Variants in DNAJC13 observed in about 807,000 individuals in gnomAD.
The protein encoded by DNAJC13 is DnaJ heat shock protein family (Hsp40) member C13.
A neutral mutation model predicts 290.5 loss-of-function variants in DNAJC13; 75 were observed. That is an observed-to-expected ratio of 0.26 (90% CI 0.21 to 0.31). The LOEUF is 0.31. Among genes scored for constraint, DNAJC13 ranks in the 10% least tolerant of loss-of-function variants. The pLI, the probability that DNAJC13 is intolerant of heterozygous loss-of-function variation, is 1.00. For synonymous variants in DNAJC13, 862 were observed against 892.0 expected, an observed-to-expected ratio of 0.97 and a Z score of 0.60; for missense variants, 2,260 against 2,674.5, an observed-to-expected ratio of 0.85 and a Z score of 3.42.
intron 1 of DNAJC13, among the ~76,000 whole-genome samples, chr3:132,430,419 C>G (rs16839243): frequency 0.024 from 3,667 of 152,066 alleles, 161 homozygotes; most frequent in African/African-American, 0.083. Context: ...TTTATTCCTT[C>G]TGGGTCATGC....
chr3:132,500,435 C>T (rs1298626756), intron 38 of DNAJC13, among the ~76,000 whole-genome samples: 1 of 152,104 alleles, frequency 6.6e-6, no homozygotes, highest in African/African-American at 2.4e-5. Context: ...AATAAAGGTC[C>T]AGGGAGTAAA....
In DNAJC13 at chr3:132,462,542, A is replaced by G; in HGVS notation, c.1770+19A>G. The G allele has an allele frequency of 6.3e-7, 1 of 1,579,812 alleles. No homozygotes were observed. Among genetic ancestry groups the G allele is most frequent in the East Asian group, 2.3e-5 (1 of 43,822 alleles). ...AATAGAGGTGAGAGAACAATTTTGA[A>G]ATTTTAACCTTACTTGAATGTTGAT... On this transcript the variant is annotated intron_variant, in intron 16 of 55. Coordinates refer to ENST00000260818, the MANE Select transcript of DNAJC13 (RefSeq NM_015268.4).
intron 1 of DNAJC13, among the ~76,000 whole-genome samples, chr3:132,424,400 G>A (rs896604916): frequency 6.6e-6 from 1 of 151,960 alleles, no homozygotes; most frequent in Non-Finnish European, 1.5e-5. Context: ...GAATAGAAGA[G>A]GTCAAAAAAA....
At chr3:132,477,947 A>G in intron 23 of DNAJC13, 34 bp from the exon 24 acceptor site, 1 of 1,599,848 alleles carries the variant, frequency 6.3e-7, no homozygotes, top group Non-Finnish European at 8.5e-7. Context: ...TTTCATGGCT[A>G]TTTCTATTGT....
intron 2 of DNAJC13, among the ~76,000 whole-genome samples, chr3:132,435,209 G>A (rs1366581120): frequency 1.3e-5 from 2 of 152,156 alleles, no homozygotes; most frequent in Admixed American, 1.3e-4. Context: ...TAAATGAAGT[G>A]ATATGGCATG....
chr3:132,525,156 G>A (rs1158631202), intron 51 of DNAJC13, among the ~76,000 whole-genome samples: 1 of 152,108 alleles, frequency 6.6e-6, no homozygotes, highest in Non-Finnish European at 1.5e-5. Flanking sequence ...GCCTCAACAT[G>A]GAGAAACCCC....
intron 20 of DNAJC13, among the ~76,000 whole-genome samples, chr3:132,470,990 C>T (rs1233085378): frequency 1.6e-4 from 20 of 128,878 alleles, no homozygotes; most frequent in African/African-American, 2.6e-4. Context: ...CCTCACCTCC[C>T]GGACGGGGCG....
In DNAJC13 at chr3:132,529,554, G is replaced by A. The variant is rs1193506382; in HGVS notation, c.6525+1222G>A. Among the ~76,000 whole-genome samples the A allele has an allele frequency of 5.9e-5, 9 of 152,136 alleles. No homozygotes were observed. The South Asian group carries it at 1.5e-3, about 25-fold the overall frequency. On this transcript the variant is annotated intron_variant, in intron 54 of 55. Transcript: ENST00000260818. ...TGTAATCCCAGCACTTTGGGAGGCC[G>A]AGGCGGGTGGATCACGAGGTCAGGA... is the stretch of plus-strand genomic sequence containing the variant.
intron 29 of DNAJC13, among the ~76,000 whole-genome samples, chr3:132,487,684 G>A (rs533495238): frequency 1.3e-5 from 2 of 149,688 alleles, no homozygotes; most frequent in East Asian, 4.1e-4. Context: ...CTTATTAAAT[G>A]TTTATCAAAA....
intron 1 of DNAJC13, among the ~76,000 whole-genome samples, chr3:132,432,776 A>G (rs750337955): frequency 1.2e-4 from 19 of 152,236 alleles, no homozygotes; most frequent in Non-Finnish European, 2.4e-4. Flanking sequence ...GTTTCATTGC[A>G]TGTGACTGTT....
intron 2 of DNAJC13, among the ~76,000 whole-genome samples, chr3:132,439,860 A>T (rs1298879732): frequency 2.6e-5 from 4 of 152,196 alleles, no homozygotes; most frequent in Non-Finnish European, 4.4e-5. Flanking sequence ...GGTGAAACTG[A>T]TGTTTCAAGT....
chr3:132,517,235 A>T (rs771947104), intron 48 of DNAJC13, among the ~76,000 whole-genome samples: 13 of 152,232 alleles, frequency 8.5e-5, no homozygotes, highest in Non-Finnish European at 1.3e-4. Flanking sequence ...CAGTGAATTC[A>T]TATAGGGGCA....
At position 132,507,226 on chromosome 3, in the gene DNAJC13, C is replaced by CT. The variant is rs541260003; in HGVS notation, c.4999-7dup. 1 of 1,540,540 alleles carries CT rather than the reference C, an allele frequency of 6.5e-7. No homozygotes were observed. On this transcript the variant is annotated splice_polypyrimidine_tract_variant and intron_variant, in intron 42 of 55. Coordinates refer to ENST00000260818, the MANE Select transcript of DNAJC13 (RefSeq NM_015268.4). ...TACATCTAACAGTCTATTTTTTCAT[C>CT]TTTTAAAAAGGGTGATTGTGACAAA...
chr3:132,509,856 TA>T (rs1233397019), intron 43 of DNAJC13, among the ~76,000 whole-genome samples: 77 of 152,312 alleles, frequency 5.1e-4, no homozygotes, highest in African/African-American at 1.8e-3. Context: ...GACCACAGTA[TA>T]ATGTAAAAAT....
intron 48 of DNAJC13, 67 bp downstream of exon 48, chr3:132,516,883 CA>C: frequency 3.1e-6 from 4 of 1,301,918 alleles, no homozygotes; most frequent in Non-Finnish European, 4.3e-6. Flanking sequence ...ATACTGATTT[CA>C]AGAAGTTTAC....
chr3:132,516,758 G>T lies in DNAJC13; in HGVS notation c.5615G>T (p.Arg1872Leu), dbSNP rs113742727. ...TGCAATTCAACACATCCACAGGTTC[G>T]AGCCCAAACAGCAGAACTTTTTGCC... ...MFCNSTHPQV[R>L]AQTAELFAKM... The change falls in exon 48 of 56, where the codon CGA becomes CTA. Residue 1872 changes from arginine (R) to leucine (L), a missense_variant. Arg to Leu is a moderately radical substitution (Grantham distance 102). Transcript: ENST00000260818. The T allele has an allele frequency of 1.9e-6, 3 of 1,613,538 alleles. No homozygotes were observed. Among genetic ancestry groups the T allele is most frequent in the Non-Finnish European group, 2.5e-6 (3 of 1,179,666 alleles).
At chr3:132,419,909 A>T (rs1938905070) in intron 1 of DNAJC13, among the ~76,000 whole-genome samples, 1 of 152,212 alleles carries the variant, frequency 6.6e-6, no homozygotes, top group South Asian at 2.1e-4. Flanking sequence ...TGCTATCTTT[A>T]GTTTATAAAT....
chr3:132,475,398 G>GA (rs1362773279), intron 22 of DNAJC13, among the ~76,000 whole-genome samples: 1 of 147,006 alleles, frequency 6.8e-6, no homozygotes, highest in East Asian at 2.0e-4. Flanking sequence ...TTTTTTCATT[G>GA]AAACATACCC....
intron 4 of DNAJC13, 107 bp from the exon 5 acceptor site, chr3:132,447,791 G>T: frequency 1.2e-6 from 1 of 851,886 alleles, no homozygotes; most frequent in Non-Finnish European, 1.9e-6. Context: ...AGTTTTTAGT[G>T]TCCAGGTTAC....
Sources: gnomAD v4.1 joint callset for allele counts (sites outside exome capture counted in the v4.1 genomes callset) on GRCh38, gnomAD v4.1.1 for gene constraint, MANE v1.5 for transcripts, NCBI Gene and HGNC (gene_info 2026-07-23, HGNC 2026-07-21) for gene names.